CYLD: variants seen among roughly 807,000 people sequenced by gnomAD.
CYLD encodes ubiquitin carboxyl-terminal hydrolase CYLD.
Under a neutral mutation model 104.5 loss-of-function variants are expected in CYLD, and 26 were observed. That is an observed-to-expected ratio of 0.25 (90% confidence interval 0.18 to 0.35). The LOEUF (loss-of-function observed/expected upper bound fraction) is 0.35, where lower values mean the gene tolerates loss of function less well. CYLD is among the 10% of genes least tolerant of loss of function. The probability of loss-of-function intolerance (pLI) is 1.00; values close to 1 mark genes in which losing one functional copy is unlikely to be tolerated. For missense variants in CYLD, 703 were observed against 1,136.1 expected (o/e 0.62, Z 5.48); for synonymous variants, 385 against 399.9 (o/e 0.96, Z 0.45).
chr16:50,753,968 G>T (rs562750023), intron 4 of CYLD, among the ~76,000 whole-genome samples: 32 of 152,232 alleles, frequency 2.1e-4, no homozygotes, highest in African/African-American at 7.7e-4. Context: ...GAAACTTCCT[G>T]TGCAAAATAC....
intron 14 of CYLD, 119 bp downstream of exon 14, chr16:50,787,971 T>C: frequency 3.1e-6 from 2 of 642,774 alleles, no homozygotes; most frequent in Non-Finnish European, 5.5e-6. Flanking sequence ...TTTAGGGCTC[T>C]TAATAGGCTA....
chr16:50,781,113 A>C (rs1970177473), intron 9 of CYLD, 133 bp from the exon 10 acceptor site: 2 of 906,746 alleles, frequency 2.2e-6, no homozygotes, highest in Non-Finnish European at 3.6e-6. Context: ...TTTCTTGATG[A>C]GGTTCTCAGT....
chr16:50,776,460 C>CT (rs1455454658), intron 7 of CYLD, among the ~76,000 whole-genome samples, 183 bp downstream of exon 7: 2 of 152,182 alleles, frequency 1.3e-5, no homozygotes, highest in South Asian at 2.1e-4. Flanking sequence ...TGTTCCCAGC[C>CT]TTTTTTACCT....
At chr16:50,742,264 C>T (rs1895914889) in intron 1 of CYLD, 140 bp downstream of exon 1, 1 of 151,084 alleles carries the variant, frequency 6.6e-6, no homozygotes, top group Admixed American at 6.6e-5. Context: ...GCCGGATCCC[C>T]TCGGCGCAGC....
chr16:50,757,662 G>A (rs1164755391), intron 5 of CYLD, among the ~76,000 whole-genome samples: 2 of 151,644 alleles, frequency 1.3e-5, no homozygotes. Flanking sequence ...TCAGCCTCCC[G>A]AGTAGCTGGG....
At chr16:50,788,819 T>C (rs1197463780) in intron 14 of CYLD, among the ~76,000 whole-genome samples, 1 of 152,188 alleles carries the variant, frequency 6.6e-6, no homozygotes, top group East Asian at 1.9e-4. Flanking sequence ...TATGAAAAAG[T>C]AATTTAATAC....
Position 50,779,562 on chromosome 16 carries a change from G to A in CYLD, c.1139-103G>A. 3.7e-6 allele frequency: 4 copies of A among 1,071,962 alleles called. No homozygotes were observed. In the South Asian group the frequency reaches 5.4e-5, roughly 14 times the overall value. 66.4% of individuals were successfully genotyped at this position (1,071,962 alleles called of 1,614,324 possible). A position where few individuals can be genotyped will look rare whatever the true frequency, so the allele number is the denominator to read the frequency against. On this transcript the variant is annotated intron_variant, in intron 8 of 18. Transcript: ENST00000427738. ...ATGAGAGTACTATTAATAGCAGGGAGGTCAGGTGGGCAGTTGGACTAGATC... is the reference window on the plus strand; with the variant it reads ...ATGAGAGTACTATTAATAGCAGGGAAGTCAGGTGGGCAGTTGGACTAGATC...
At chr16:50,791,106 C>A (rs1380257456) in intron 14 of CYLD, among the ~76,000 whole-genome samples, 1 of 152,140 alleles carries the variant, frequency 6.6e-6, no homozygotes, top group Non-Finnish European at 1.5e-5. Context: ...GATCTCAGCG[C>A]CTTCATTTTA....
intron 5 of CYLD, among the ~76,000 whole-genome samples, chr16:50,774,291 A>G (rs553571151): frequency 2.0e-5 from 3 of 152,304 alleles, no homozygotes; most frequent in African/African-American, 7.2e-5. Flanking sequence ...AGATATCTGA[A>G]TGACAACATC....
intron 2 of CYLD, among the ~76,000 whole-genome samples, chr16:50,744,278 C>T (rs965933183): frequency 1.3e-5 from 2 of 151,902 alleles, no homozygotes; most frequent in Non-Finnish European, 2.9e-5. Context: ...AAAATTAAAA[C>T]GGACTCAGTC....
Position 50,797,249 on chromosome 16 carries a change from T to C in CYLD, c.*741T>C, listed in dbSNP as rs1972131928. 1 of 232,590 alleles carries C rather than the reference T, an allele frequency of 4.3e-6. No individual in the cohort carries two copies. The highest frequency in any genetic ancestry group is 8.5e-6 in the Non-Finnish European group (1 of 117,586). The allele number at this position is 232,590 out of a possible 1,614,324, so 14.4% of individuals were successfully genotyped here. ...AGTAGTTACTGTCAGCTAACAGGTT[T>C]TTTAAGGCTTTTAACTATTAATATT... is the stretch of plus-strand genomic sequence containing the variant. On this transcript the variant is annotated 3_prime_UTR_variant, in exon 19 of 19. Transcript: ENST00000427738.
At chr16:50,796,229 A>T (rs1051186661) in intron 18 of CYLD, 95 bp from the exon 19 acceptor site, 8 of 1,286,498 alleles carry the variant, frequency 6.2e-6, no homozygotes, top group Non-Finnish European at 8.9e-6. Context: ...TTAGAGCCTG[A>T]AATTAGCTTT....
chr16:50,747,218 C>T (rs1966263068), intron 2 of CYLD, among the ~76,000 whole-genome samples: 1 of 152,202 alleles, frequency 6.6e-6, no homozygotes, highest in Non-Finnish European at 1.5e-5. Flanking sequence ...ATGCATTCCT[C>T]TTTTCACGAT....
rs1350458400 is a variant in CYLD at position 50,794,427 on chromosome 16, T to C, written c.2685T>C (p.Asp895=). ...WLFFDSMADR[D]GGQNGFNIPQ... The stretch of plus-strand genomic sequence containing the variant: ...TCTTTGACAGCATGGCCGATCGGGA[T>C]GGTACTGAAAACGCCTTTCTTCTGC... Residue 895 remains aspartate (D), a splice_region_variant and synonymous_variant, in exon 18 of 19, where the codon GAT becomes GAC. Transcript: ENST00000427738. This position sits in a 1 kb window ranked among gnomAD's most constrained non-coding sequence, Gnocchi z 4.1. 3.1e-6 allele frequency: 5 copies of C among 1,614,112 alleles called. No individual in the cohort carries two copies. In the East Asian group the frequency reaches 8.9e-5, roughly 29 times the overall value.
Position 50,796,603 on chromosome 16 carries a change from A to G in CYLD, c.*95A>G. 5 of 1,259,884 alleles carry G rather than the reference A, an allele frequency of 4.0e-6. No individual in the cohort carries two copies. The highest frequency in any genetic ancestry group is 5.7e-6 in the Non-Finnish European group (5 of 872,306). 78.0% of individuals were successfully genotyped at this position (1,259,884 alleles called of 1,614,324 possible). A position where few individuals can be genotyped will look rare whatever the true frequency, so the allele number is the denominator to read the frequency against. Reference sequence around the variant, plus strand: ...GTTCTGTTCACGTCCATTGCCGGCAATGGATGTCTTTGTGGTGATGATCCT... The same window carrying G: ...GTTCTGTTCACGTCCATTGCCGGCAGTGGATGTCTTTGTGGTGATGATCCT... On this transcript the variant is annotated 3_prime_UTR_variant, in exon 19 of 19. Coordinates refer to ENST00000427738, the MANE Select transcript of CYLD (RefSeq NM_001378743.1).
At position 50,796,587 on chromosome 16, in the gene CYLD, A is replaced by C. The variant is rs1972071020; in HGVS notation, c.*79A>C. ...CTTATTCGAGCTGGCAGTTCTGTTC[A>C]CGTCCATTGCCGGCAATGGATGTCT... is the stretch of plus-strand genomic sequence containing the variant. On this transcript the variant is annotated 3_prime_UTR_variant, in exon 19 of 19. Coordinates refer to ENST00000427738, the MANE Select transcript of CYLD (RefSeq NM_001378743.1). 1 of 1,443,070 alleles carries C rather than the reference A, an allele frequency of 6.9e-7. No homozygotes were observed. Among genetic ancestry groups the C allele is most frequent in the Non-Finnish European group, 9.6e-7 (1 of 1,037,702 alleles). 89.4% of individuals were successfully genotyped at this position (1,443,070 alleles called of 1,614,324 possible).
intron 14 of CYLD, among the ~76,000 whole-genome samples, chr16:50,788,125 G>A (rs1971033482): frequency 6.6e-6 from 1 of 152,030 alleles, no homozygotes; most frequent in Admixed American, 6.5e-5. Context: ...TTTTGAAACT[G>A]TATATATATT....
At position 50,784,357 on chromosome 16, in the gene CYLD, A is replaced by G. The variant is rs1351141902; in HGVS notation, c.1855A>G (p.Thr619Ala). Reference sequence around the variant, plus strand: ...ATTTGCTTTTAGTTCTGTTCTGGACACTGTGTTACTTAGACCCAAAGAAAA... The same window carrying G: ...ATTTGCTTTTAGTTCTGTTCTGGACGCTGTGTTACTTAGACCCAAAGAAAA... ...CLFAFSSVLD[T>A]VLLRPKEKND... The change falls in exon 12 of 19, where the codon ACT becomes GCT. Residue 619 changes from threonine (T) to alanine (A), a missense_variant. Thr to Ala is a moderately conservative substitution (Grantham distance 58). Around this residue, in one of 5 missense-constraint regions of CYLD, gnomAD observed 125 missense variants for 325.4 expected, o/e 0.38. Coordinates refer to ENST00000427738, the MANE Select transcript of CYLD (RefSeq NM_001378743.1). The G allele has an allele frequency of 6.2e-7, 1 of 1,613,512 alleles. No homozygotes were observed.
At chr16:50,750,797 T>TC (rs1966559097) in intron 3 of CYLD, among the ~76,000 whole-genome samples, 1 of 152,230 alleles carries the variant, frequency 6.6e-6, no homozygotes, top group African/African-American at 2.4e-5. Flanking sequence ...TCTATAGGTT[T>TC]CTTAGTTCTT....
Sources: allele counts gnomAD v4.1 joint callset (sites outside exome capture counted in the v4.1 genomes callset), GRCh38; gene constraint gnomAD v4.1.1; regional missense constraint gnomAD v4.1.1; non-coding constraint Gnocchi (gnomAD v3.1); transcripts MANE v1.5; gene names NCBI Gene and HGNC (gene_info 2026-07-23, HGNC 2026-07-21).